MYRIP: variants seen among roughly 807,000 people sequenced by gnomAD.
MYRIP encodes the protein myosin VIIA and Rab interacting protein, also known as rab effector MyRIP.
In MYRIP, 49 loss-of-function variants were observed where a neutral mutation model predicts 98.0. That is an observed-to-expected ratio of 0.50 (90% CI 0.40 to 0.63). The LOEUF (loss-of-function observed/expected upper bound fraction) is 0.63, where lower values mean the gene tolerates loss of function less well. Ranked by LOEUF, MYRIP falls within the 30% of genes least tolerant of loss-of-function variation. MYRIP has a pLI of 0.00. For missense variants in MYRIP, 1,004 were observed against 1,058.2 expected (o/e 0.95, Z 0.71); for synonymous variants, 404 against 409.5 (o/e 0.99, Z 0.16).
At chr3:40,027,764 A>T (rs921039723) in intron 2 of MYRIP, among the ~76,000 whole-genome samples, 2 of 152,074 alleles carry the variant, frequency 1.3e-5, no homozygotes, top group Non-Finnish European at 2.9e-5. Flanking sequence ...GGTGCCTAAT[A>T]AGTGTGAATT....
intron 10 of MYRIP, among the ~76,000 whole-genome samples, chr3:40,205,448 A>ATTT (rs1241258663): frequency 7.2e-5 from 11 of 152,150 alleles, no homozygotes; most frequent in Admixed American, 2.6e-4. Context: ...GGGAAATGAA[A>ATTT]AGCACTGCTT....
chr3:39,879,206 T>G (rs1457231769), intron 1 of MYRIP, among the ~76,000 whole-genome samples: 3 of 151,966 alleles, frequency 2.0e-5, no homozygotes, highest in African/African-American at 7.2e-5. Flanking sequence ...TCAGTTGTTA[T>G]CCTTTCTTAT....
chr3:39,945,985 G>A (rs1408320244), intron 2 of MYRIP, among the ~76,000 whole-genome samples: 2 of 143,694 alleles, frequency 1.4e-5, no homozygotes, highest in Non-Finnish European at 3.0e-5. Flanking sequence ...GGATTAAGTG[G>A]TTTAAAAATA....
intron 1 of MYRIP, among the ~76,000 whole-genome samples, chr3:39,892,931 T>A (rs1457941903): frequency 1.3e-5 from 2 of 152,334 alleles, no homozygotes; most frequent in East Asian, 3.9e-4. Context: ...TTTCTTTTTG[T>A]CACCTGGCAA....
At chr3:40,049,390 A>G (rs763159398) in intron 3 of MYRIP, among the ~76,000 whole-genome samples, 2 of 152,016 alleles carry the variant, frequency 1.3e-5, no homozygotes, top group South Asian at 2.1e-4. Context: ...TCTCATTATT[A>G]TTGTTATGGT....
intron 2 of MYRIP, among the ~76,000 whole-genome samples, chr3:40,035,433 T>C (rs144259424): frequency 6.6e-6 from 1 of 151,896 alleles, no homozygotes; most frequent in African/African-American, 2.4e-5. Context: ...TGCACTGACA[T>C]AAAAAGCAGT....
intron 16 of MYRIP, among the ~76,000 whole-genome samples, chr3:40,252,279 A>G (rs1273259865): frequency 6.6e-6 from 1 of 152,198 alleles, no homozygotes; most frequent in Non-Finnish European, 1.5e-5. Context: ...ACGCAAGTAT[A>G]GAGGAAATAA....
chr3:39,930,722 C>T (rs79479948), intron 2 of MYRIP, among the ~76,000 whole-genome samples: 2,322 of 151,974 alleles, frequency 0.015, 45 homozygotes, highest in East Asian at 0.095. Flanking sequence ...AATAGGATTC[C>T]AACTTCATTC....
At chr3:40,200,809 C>A (rs555572544) in intron 10 of MYRIP, among the ~76,000 whole-genome samples, 1 of 152,186 alleles carries the variant, frequency 6.6e-6, no homozygotes, top group Non-Finnish European at 1.5e-5. Flanking sequence ...CGTGTCATCA[C>A]GTGATTGCCA....
At chr3:39,889,540 T>G (rs907963453) in intron 1 of MYRIP, among the ~76,000 whole-genome samples, 1 of 151,266 alleles carries the variant, frequency 6.6e-6, no homozygotes, top group East Asian at 1.9e-4. Flanking sequence ...GGGGTGGGGG[T>G]AGGGAGGAGG....
At chr3:40,091,894 T>C (rs1948742702) in intron 3 of MYRIP, among the ~76,000 whole-genome samples, 1 of 152,200 alleles carries the variant, frequency 6.6e-6, no homozygotes, top group Non-Finnish European at 1.5e-5. Context: ...ATTTCTGTAC[T>C]AAAATTGCCC....
chr3:39,853,164 C>T (rs1488924628), intron 1 of MYRIP, among the ~76,000 whole-genome samples: 1 of 152,194 alleles, frequency 6.6e-6, no homozygotes, highest in Non-Finnish European at 1.5e-5. Context: ...GGTTGATGAG[C>T]ATTTAGGCTG....
chr3:40,124,873 C>G (rs886339787), intron 3 of MYRIP, among the ~76,000 whole-genome samples: 1 of 152,206 alleles, frequency 6.6e-6, no homozygotes, highest in Non-Finnish European at 1.5e-5. Context: ...TGGGCAAGTT[C>G]CACCTTTGCC....
In MYRIP at chr3:40,190,154, C is replaced by T. The variant is rs1461100933; in HGVS notation, c.1356C>T (p.Cys452=). 6.2e-7 allele frequency: 1 copy of T among 1,614,090 alleles called. No individual in the cohort carries two copies. Among genetic ancestry groups the T allele is most frequent in the Non-Finnish European group, 8.5e-7 (1 of 1,179,992 alleles). Residue 452 remains cysteine, a synonymous_variant, in exon 10 of 17, where the codon TGC becomes TGT. Transcript: ENST00000302541. Reference sequence around the variant, plus strand: ...TCTCCCCCAACCCTGAGGCCATGTGCTCTGACTCGGAGACCTCCTCCGCAG... The same window carrying T: ...TCTCCCCCAACCCTGAGGCCATGTGTTCTGACTCGGAGACCTCCTCCGCAG... The part of the protein sequence containing the change: ...SALSPNPEAM[C]SDSETSSAGS...
At chr3:39,874,284 A>T (rs1214252361) in intron 1 of MYRIP, among the ~76,000 whole-genome samples, 1 of 152,074 alleles carries the variant, frequency 6.6e-6, no homozygotes, top group Non-Finnish European at 1.5e-5. Flanking sequence ...TGTCATCTGC[A>T]AACAGGGACA....
chr3:39,819,993 A>T (rs1188240868), intron 1 of MYRIP, among the ~76,000 whole-genome samples: 1 of 152,218 alleles, frequency 6.6e-6, no homozygotes, highest in African/African-American at 2.4e-5. Context: ...TGTGATTTAC[A>T]ATGTGATACC....
intron 8 of MYRIP, among the ~76,000 whole-genome samples, chr3:40,176,094 G>C (rs905445281): frequency 7.9e-5 from 12 of 152,156 alleles, no homozygotes; most frequent in Middle Eastern, 3.2e-3. Context: ...TAATAAGTGG[G>C]GCCAGAATTT....
At chr3:39,980,827 A>G (rs1415179229) in intron 2 of MYRIP, among the ~76,000 whole-genome samples, 1 of 152,176 alleles carries the variant, frequency 6.6e-6, no homozygotes, top group Non-Finnish European at 1.5e-5. Flanking sequence ...ATAAGTGCCT[A>G]GAGTAGTGAA....
At chr3:39,943,554 T>A (rs1276840750) in intron 2 of MYRIP, among the ~76,000 whole-genome samples, 1 of 152,092 alleles carries the variant, frequency 6.6e-6, no homozygotes, top group East Asian at 1.9e-4. Context: ...TGCTTTCCTG[T>A]CTGTTTTCCA....
Sources: allele counts gnomAD v4.1 joint callset (sites outside exome capture counted in the v4.1 genomes callset), GRCh38; gene constraint gnomAD v4.1.1; transcripts MANE v1.5; gene names NCBI Gene and HGNC (gene_info 2026-07-23, HGNC 2026-07-21).